PLEKHD1: variants seen among roughly 807,000 people sequenced by gnomAD.
PLEKHD1 encodes pleckstrin homology domain-containing family D member 1.
A neutral mutation model predicts 69.2 loss-of-function variants in PLEKHD1; 51 were observed. The observed-to-expected ratio is 0.74, with a 90% CI of 0.59 to 0.93. PLEKHD1 has a LOEUF of 0.93. Among genes scored for constraint, PLEKHD1 ranks in the 40% least tolerant of loss-of-function variants. The pLI is 0.00. For synonymous variants in PLEKHD1, 236 were observed against 244.7 expected (o/e 0.96, Z 0.33); for missense variants, 584 against 641.0 (o/e 0.91, Z 0.96).
At chr14:69,511,852 G>T (rs1024791784) in intron 6 of PLEKHD1, among the ~76,000 whole-genome samples, 10 of 152,150 alleles carry the variant, frequency 6.6e-5, no homozygotes, top group African/African-American at 2.4e-4. Flanking sequence ...TGACTGGCCA[G>T]TCTGTAGTTT....
At position 69,529,346 on chromosome 14, in the gene PLEKHD1, G is replaced by C. The variant is rs1417952257; in HGVS notation, c.*927G>C. On this transcript the variant is annotated 3_prime_UTR_variant, in exon 13 of 13. Coordinates refer to ENST00000322564, the MANE Select transcript of PLEKHD1 (RefSeq NM_001161498.2). ...ACTTGAAGTCAGGAGTTTGAGACCA[G>C]CCTGGCCAATACGGCAAAACCCTGT... is the stretch of plus-strand genomic sequence containing the variant. The C allele has an allele frequency of 6.6e-6, 1 of 152,258 alleles. No homozygotes were observed. Among genetic ancestry groups the C allele is most frequent in the African/African-American group, 2.4e-5 (1 of 41,416 alleles). The allele number at this position is 152,258 out of a possible 1,614,324, so 9.4% of individuals were successfully genotyped here.
chr14:69,520,948 G>A (rs1883500110), intron 6 of PLEKHD1, among the ~76,000 whole-genome samples: 1 of 152,164 alleles, frequency 6.6e-6, no homozygotes, highest in African/African-American at 2.4e-5. Flanking sequence ...CTGTGGCCAT[G>A]TGGTGTGCCC....
At position 69,484,942 on chromosome 14, in the gene PLEKHD1, C is replaced by G; in HGVS notation, c.-24C>G. On this transcript the variant is annotated 5_prime_UTR_variant, in exon 1 of 13. Transcript: ENST00000322564. ...GACCCCGGGGAGGTGGGGTCCGGGC[C>G]GGGCACAGCCCCGCTGAGGCAGGAT... 3 of 1,547,348 alleles carry G rather than the reference C, an allele frequency of 1.9e-6. No individual in the cohort carries two copies. The highest frequency in any genetic ancestry group is 2.6e-6 in the Non-Finnish European group (3 of 1,144,368).
At chr14:69,511,702 A>G (rs549145641) in intron 6 of PLEKHD1, among the ~76,000 whole-genome samples, 9 of 152,090 alleles carry the variant, frequency 5.9e-5, no homozygotes, top group African/African-American at 1.9e-4. Flanking sequence ...GGTGTGCGCC[A>G]CCATACCTGG....
At chr14:69,472,512 A>G in the PLEKHD1 span, among the ~76,000 whole-genome samples, 1 of 152,184 alleles carries the variant, frequency 6.6e-6, no homozygotes, top group Non-Finnish European at 1.5e-5. Context: ...CATGTGCTTT[A>G]TAAAGCAGCC....
intron 1 of PLEKHD1, among the ~76,000 whole-genome samples, chr14:69,488,748 A>C (rs1039259319): frequency 6.6e-6 from 1 of 152,200 alleles, no homozygotes; most frequent in African/African-American, 2.4e-5. Context: ...CAGAAAAAAA[A>C]GTGACCAAAT....
At chr14:69,487,384 C>T (rs927410345) in intron 1 of PLEKHD1, among the ~76,000 whole-genome samples, 19 of 152,222 alleles carry the variant, frequency 1.2e-4, no homozygotes, top group African/African-American at 4.6e-4. Flanking sequence ...AATTAGCAGC[C>T]ACAGGAAGAC....
At chr14:69,515,227 A>C (rs1035867606) in intron 6 of PLEKHD1, among the ~76,000 whole-genome samples, 3 of 152,130 alleles carry the variant, frequency 2.0e-5, no homozygotes, top group African/African-American at 4.8e-5. Context: ...AAACAAAAAA[A>C]CAGAATGCTG....
chr14:69,472,715 G>A, the PLEKHD1 span, among the ~76,000 whole-genome samples: 1 of 152,316 alleles, frequency 6.6e-6, no homozygotes, highest in African/African-American at 2.4e-5. Flanking sequence ...GGAGCAATAG[G>A]CTGTACCATA....
intron 6 of PLEKHD1, among the ~76,000 whole-genome samples, chr14:69,511,342 G>A (rs1342700431): frequency 1.3e-5 from 2 of 151,866 alleles, no homozygotes; most frequent in African/African-American, 4.8e-5. Flanking sequence ...ATTTTTAGTA[G>A]AGATGGAGTT....
In PLEKHD1 at chr14:69,528,577, C is replaced by A; in HGVS notation, c.*158C>A. 9.8e-7 allele frequency: 1 copy of A among 1,025,434 alleles called. No individual in the cohort carries two copies. The highest frequency in any genetic ancestry group is 1.4e-6 in the Non-Finnish European group (1 of 724,710). 63.5% of individuals were successfully genotyped at this position (1,025,434 alleles called of 1,614,324 possible). ...TCCACTTGGGGGCCAGCCTTGCCCT[C>A]AAAGGACATGGACGCTGCCTTCCTC... is the stretch of plus-strand genomic sequence containing the variant. On this transcript the variant is annotated 3_prime_UTR_variant, in exon 13 of 13. Transcript: ENST00000322564.
At chr14:69,507,776 G>A (rs1227994736) in intron 6 of PLEKHD1, among the ~76,000 whole-genome samples, 2 of 152,136 alleles carry the variant, frequency 1.3e-5, no homozygotes, top group African/African-American at 2.4e-5. Flanking sequence ...GCAGTGGAGT[G>A]TGGCTCACTG....
At chr14:69,489,204 T>A (rs1882719001) in intron 1 of PLEKHD1, among the ~76,000 whole-genome samples, 2 of 152,208 alleles carry the variant, frequency 1.3e-5, no homozygotes, top group Non-Finnish European at 2.9e-5. Flanking sequence ...AGAGTTCAGC[T>A]TCCTTGTACC....
intron 6 of PLEKHD1, among the ~76,000 whole-genome samples, chr14:69,521,273 T>C (rs1476840358): frequency 1.3e-5 from 2 of 152,198 alleles, no homozygotes; most frequent in Non-Finnish European, 2.9e-5. Context: ...GGGAAAGATA[T>C]AGCAACTCTT....
At chr14:69,521,827 A>G (rs547360690) in intron 6 of PLEKHD1, among the ~76,000 whole-genome samples, 1 of 152,178 alleles carries the variant, frequency 6.6e-6, no homozygotes, top group South Asian at 2.1e-4. Context: ...TTATTCTCTG[A>G]CTTTTGGGTT....
At chr14:69,511,944 C>T (rs1392906470) in intron 6 of PLEKHD1, among the ~76,000 whole-genome samples, 2 of 152,112 alleles carry the variant, frequency 1.3e-5, no homozygotes, top group Non-Finnish European at 2.9e-5. Context: ...TGGCTTCTAT[C>T]TTGAGAAAAA....
intron 5 of PLEKHD1, chr14:69,502,154 C>A: frequency 4.6e-6 from 1 of 217,484 alleles, no homozygotes; most frequent in Non-Finnish European, 9.2e-6. Flanking sequence ...TAAAAATAGT[C>A]TCTAGCTTTT....
chr14:69,499,958 T>G (rs1882985279), intron 1 of PLEKHD1, among the ~76,000 whole-genome samples, 157 bp from the exon 2 acceptor site: 1 of 152,108 alleles, frequency 6.6e-6, no homozygotes, highest in Non-Finnish European at 1.5e-5. Flanking sequence ...AGCTGAGGCC[T>G]TTGTGAGGGT....
intron 5 of PLEKHD1, chr14:69,502,223 G>T (rs1345001905): frequency 5.5e-6 from 1 of 182,174 alleles, no homozygotes; most frequent in East Asian, 1.4e-4. Flanking sequence ...ATGCAGTAAG[G>T]GCTCCATAAG....
Sources: gnomAD v4.1 joint callset for allele counts (sites outside exome capture counted in the v4.1 genomes callset) on GRCh38, gnomAD v4.1.1 for gene constraint, MANE v1.5 for transcripts, NCBI Gene and HGNC (gene_info 2026-07-23, HGNC 2026-07-21) for gene names.